CDKL5: variants seen among roughly 807,000 people sequenced by gnomAD.
The protein encoded by CDKL5 is cyclin-dependent kinase-like 5.
In CDKL5, 8 loss-of-function variants were observed where a neutral mutation model predicts 61.7. That is an observed-to-expected ratio of 0.13 (90% CI 0.08 to 0.23). CDKL5 has a LOEUF of 0.23. Among genes scored for constraint, CDKL5 ranks in the 10% least tolerant of loss-of-function variants. The pLI, the probability that CDKL5 is intolerant of heterozygous loss-of-function variation, is 1.00. For missense variants in CDKL5, 440 were observed against 734.5 expected (o/e 0.60, Z 4.63); for synonymous variants, 275 against 272.3 (o/e 1.01, Z -0.10).
chrX:18,442,736 C>T (rs766882619), intron 1 of CDKL5, among the ~76,000 whole-genome samples: 9 of 111,338 alleles, frequency 8.1e-5, no homozygotes, highest in East Asian at 5.7e-4. Flanking sequence ...CCTCGTGATC[C>T]GCCCGCCTCG....
chrX:18,511,500 G>A (rs1480191610), intron 3 of CDKL5, among the ~76,000 whole-genome samples: 2 of 110,660 alleles, frequency 1.8e-5, no homozygotes, highest in Non-Finnish European at 3.8e-5. Context: ...TTTTTGTTTA[G>A]ATAAAAAACA....
intron 3 of CDKL5, among the ~76,000 whole-genome samples, chrX:18,525,744 C>CTTT (rs778200388): frequency 4.0e-5 from 3 of 75,653 alleles, no homozygotes; most frequent in African/African-American, 4.9e-5. Flanking sequence ...AATATTGAGT[C>CTTT]TTTTTTTTTT....
At chrX:18,468,468 G>T (rs1737272722) in intron 1 of CDKL5, among the ~76,000 whole-genome samples, 2 of 112,018 alleles carry the variant, frequency 1.8e-5, no homozygotes, top group African/African-American at 6.5e-5. Context: ...CTTCCCACTG[G>T]AAATATGAGT....
At chrX:18,536,301 C>T (rs1440554299) in intron 3 of CDKL5, among the ~76,000 whole-genome samples, 1 of 110,763 alleles carries the variant, frequency 9.0e-6, no homozygotes, top group Non-Finnish European at 1.9e-5. Flanking sequence ...ACCAGGGTTC[C>T]TGTACAATGA....
At chrX:18,603,020 T>C (rs915050901) in intron 11 of CDKL5, among the ~76,000 whole-genome samples, 2 of 112,272 alleles carry the variant, frequency 1.8e-5, no homozygotes, top group Non-Finnish European at 3.8e-5. Context: ...AGCTTTCAAA[T>C]AGAGGACAAG....
chrX:18,477,159 C>T (rs905077194), intron 1 of CDKL5, among the ~76,000 whole-genome samples: 5 of 110,168 alleles, frequency 4.5e-5, no homozygotes, highest in Admixed American at 2.9e-4. Flanking sequence ...TGTTGTGAGC[C>T]GGATTCAAGA....
intron 1 of CDKL5, among the ~76,000 whole-genome samples, chrX:18,446,139 T>G (rs1931869731): frequency 9.6e-6 from 1 of 104,356 alleles, no homozygotes; most frequent in South Asian, 4.5e-4. Flanking sequence ...AGGTCAGGAG[T>G]TTGAGACCAG....
At chrX:18,535,542 C>T (rs1456903510) in intron 3 of CDKL5, 1 of 112,443 alleles carries the variant, frequency 8.9e-6, no homozygotes, top group Non-Finnish European at 1.9e-5. Context: ...CCATTGGTGT[C>T]ATCTTCAGGC....
In CDKL5 at chrX:18,518,385, C is replaced by CTTTTTTTTTTTTTTTTTT. The variant is rs1195931109; in HGVS notation, c.99+7533_99+7534insTTTTTTTTTTTTTTTTTT. On this transcript the variant is annotated intron_variant, in intron 3 of 17. Coordinates refer to ENST00000623535, the MANE Select transcript of CDKL5 (RefSeq NM_001323289.2). ...ATAAAGTCATGTTTTCTTTTCTTTT[C>CTTTTTTTTTTTTTTTTTT]TTATTTTTTTTTTTTTTTTTTTTTT... Among the ~76,000 whole-genome samples the CTTTTTTTTTTTTTTTTTT allele has an allele frequency of 1.1e-3, 26 of 22,790 alleles. 1 individual carries two copies. Among genetic ancestry groups the CTTTTTTTTTTTTTTTTTT allele is most frequent in the African/African-American group, 3.6e-3 (24 of 6,586 alleles). 19.8% of individuals were successfully genotyped at this position (22,790 alleles called of 115,157 possible). A position where few individuals can be genotyped will look rare whatever the true frequency, so the allele number is the denominator to read the frequency against.
chrX:18,437,385 C>T (rs924271793), intron 1 of CDKL5, among the ~76,000 whole-genome samples: 1 of 112,053 alleles, frequency 8.9e-6, no homozygotes, highest in African/African-American at 3.2e-5. Flanking sequence ...ACAGCTTTAG[C>T]TCTCTTCCAT....
In CDKL5 at chrX:18,620,049, A is replaced by C. The variant is rs1926842997; in HGVS notation, c.2376+83A>C. ...ACTTTACACTTTGCACTTGGCAATCAAAGTTGATTGTTTTCTTATTGAGAC... is the reference window on the plus strand; with the variant it reads ...ACTTTACACTTTGCACTTGGCAATCCAAGTTGATTGTTTTCTTATTGAGAC... On this transcript the variant is annotated intron_variant, in intron 16 of 17. Transcript: ENST00000623535. The C allele has an allele frequency of 1.0e-5, 6 of 596,843 alleles. No homozygotes were observed. In the South Asian group the frequency reaches 1.6e-4, roughly 16 times the overall value. The allele number at this position is 596,843 out of a possible 1,213,427, so 49.2% of individuals were successfully genotyped here. A position where few individuals can be genotyped will look rare whatever the true frequency, so the allele number is the denominator to read the frequency against.
At chrX:18,590,542 C>A (rs900032105) in intron 9 of CDKL5, among the ~76,000 whole-genome samples, 1 of 111,993 alleles carries the variant, frequency 8.9e-6, no homozygotes, top group East Asian at 2.8e-4. Context: ...TGAATGTGGG[C>A]GAAATGAATG....
At chrX:18,576,833 T>TTTTAAAAAAAAAAA (rs1925314779) in intron 5 of CDKL5, among the ~76,000 whole-genome samples, 1 of 107,070 alleles carries the variant, frequency 9.3e-6, no homozygotes, top group Non-Finnish European at 1.9e-5. Context: ...AAAGTTCTAT[T>TTTTAAAAAAAAAAA]AAAAAAAAAG....
chrX:18,602,999 G>A (rs1229336402), intron 11 of CDKL5, among the ~76,000 whole-genome samples: 1 of 112,133 alleles, frequency 8.9e-6, no homozygotes, highest in African/African-American at 3.2e-5. Context: ...CCTTGCTATG[G>A]TGTCAGTTTC....
chrX:18,509,870 A>G (rs1259833736), intron 2 of CDKL5, among the ~76,000 whole-genome samples: 1 of 110,244 alleles, frequency 9.1e-6, no homozygotes, highest in Non-Finnish European at 1.9e-5. Flanking sequence ...AGAGACATTC[A>G]GCTGGGTGTG....
At chrX:18,615,441 A>G (rs772835397) in intron 15 of CDKL5, among the ~76,000 whole-genome samples, 3 of 112,175 alleles carry the variant, frequency 2.7e-5, no homozygotes, top group Non-Finnish European at 3.8e-5. Context: ...GGATGGAGAC[A>G]GGGTCTGGCT....
At chrX:18,653,545 C>T (rs1432106574) in exon 22 of CDKL5, 1 of 1,211,366 alleles carries the variant, frequency 8.3e-7, no homozygotes, top group South Asian at 1.8e-5. Flanking sequence ...GGGCAAGTGA[C>T]TTCTGCAAGC....
intron 9 of CDKL5, among the ~76,000 whole-genome samples, chrX:18,591,162 C>T (rs151294580): frequency 4.0e-4 from 45 of 111,552 alleles, no homozygotes; most frequent in Non-Finnish European, 7.7e-4. Context: ...CTTTCTCTCC[C>T]ACAGCATCCT....
In CDKL5 at chrX:18,636,515, G is replaced by A. The variant is rs188460583; in HGVS notation, c.*7758G>A. The A allele has an allele frequency of 8.4e-4, 93 of 110,374 alleles. No homozygotes were observed. The highest frequency in any genetic ancestry group is 3.0e-3 in the African/African-American group (92 of 30,441). The allele number at this position is 110,374 out of a possible 1,213,427, so 9.1% of individuals were successfully genotyped here. A position where few individuals can be genotyped will look rare whatever the true frequency, so the allele number is the denominator to read the frequency against. On this transcript the variant is annotated 3_prime_UTR_variant, in exon 18 of 18. Transcript: ENST00000623535. Reference sequence around the variant, plus strand: ...AGTGGCAGGGCCAGGATTTGAAGCCGAATATGTTCATTGTAAAGCCCATAT... The same window carrying A: ...AGTGGCAGGGCCAGGATTTGAAGCCAAATATGTTCATTGTAAAGCCCATAT...
Sources: gnomAD v4.1 joint callset for allele counts (sites outside exome capture counted in the v4.1 genomes callset) on GRCh38, gnomAD v4.1.1 for gene constraint, MANE v1.5 for transcripts, NCBI Gene and HGNC (gene_info 2026-07-23, HGNC 2026-07-21) for gene names.